Variants in KLHDC8A observed in about 807,000 individuals in gnomAD.
The protein encoded by KLHDC8A is kelch domain-containing protein 8A.
Under a neutral mutation model 33.1 loss-of-function variants are expected in KLHDC8A, and 21 were observed. The ratio of observed to expected loss-of-function variants is 0.64; its 90% CI spans 0.45 to 0.91. The LOEUF (loss-of-function observed/expected upper bound fraction) is 0.91, where lower values mean the gene tolerates loss of function less well. KLHDC8A is among the 40% of genes least tolerant of loss of function. The pLI is 0.00. For synonymous variants in KLHDC8A, 173 were observed against 193.5 expected (o/e 0.89, Z 0.88); for missense variants, 435 against 483.3 (o/e 0.90, Z 0.94).
chr1:205,356,469 C>A, intron 1 of KLHDC8A, 64 bp downstream of exon 1: 1 of 451,606 alleles, frequency 2.2e-6, no homozygotes, highest in South Asian at 1.6e-5. Flanking sequence ...GCCTGTCTCC[C>A]CACCAGCAGG....
intron 1 of KLHDC8A, among the ~76,000 whole-genome samples, chr1:205,352,705 T>C (rs7530732): frequency 0.35 from 53,281 of 152,122 alleles, 9,622 homozygotes; most frequent in South Asian, 0.48. Context: ...AGGATCTGCC[T>C]GTCCTCATCA....
rs2102280238 is a variant in KLHDC8A at position 205,339,768 on chromosome 1, T to C, written c.417A>G (p.Leu139=). The change falls in exon 3 of 6, where the codon CTA becomes CTG. Residue 139 remains leucine (L), a synonymous_variant. Coordinates refer to ENST00000367155, the MANE Select transcript of KLHDC8A (RefSeq NM_018203.3). This position sits in a 1 kb window ranked among gnomAD's most constrained non-coding sequence, Gnocchi z 5.1. ...VYAAGGMGLD[L]RPHNHLQHYD... ...AGTGTTGGAGGTGGTTGTGTGGACG[T>C]AGGTCCAGGCCCATCCCGCCTGCCG... 6.2e-7 allele frequency: 1 copy of C among 1,613,604 alleles called. No homozygotes were observed. The highest frequency in any genetic ancestry group is 2.2e-5 in the East Asian group (1 of 44,864).
intron 1 of KLHDC8A, 70 bp downstream of exon 1, chr1:205,356,463 G>A (rs111493259): frequency 3.1e-5 from 14 of 450,096 alleles, no homozygotes; most frequent in African/African-American, 2.8e-4. Flanking sequence ...ACCACTGCCT[G>A]TCTCCCCACC....
At chr1:205,352,413 CAGAG>C (rs1663140174) in intron 1 of KLHDC8A, among the ~76,000 whole-genome samples, 1 of 152,072 alleles carries the variant, frequency 6.6e-6, no homozygotes, top group Non-Finnish European at 1.5e-5. Context: ...CCCTTGTTCC[CAGAG>C]AAAGGACCAG....
At chr1:205,347,526 C>A (rs749470794) in intron 1 of KLHDC8A, among the ~76,000 whole-genome samples, 1 of 152,098 alleles carries the variant, frequency 6.6e-6, no homozygotes, top group Non-Finnish European at 1.5e-5. Flanking sequence ...CGAGACTAGC[C>A]TCAAAAACAT....
chr1:205,354,912 T>C (rs921498424), intron 1 of KLHDC8A, among the ~76,000 whole-genome samples: 1 of 152,214 alleles, frequency 6.6e-6, no homozygotes, highest in Non-Finnish European at 1.5e-5. Context: ...TTTCCCAGGG[T>C]CATGAAGATG....
chr1:205,339,223 C>T lies in KLHDC8A; in HGVS notation c.728G>A (p.Arg243Gln), dbSNP rs147725085. The T allele has an allele frequency of 4.1e-5, 66 of 1,614,138 alleles. 1 individual carries two copies. The highest frequency in any genetic ancestry group is 8.0e-5 in the African/African-American group (6 of 75,036). The change falls in exon 4 of 6, where the codon CGG (arginine) becomes CAG (glutamine). Residue 243 changes from arginine (R) to glutamine (Q), a missense_variant. Coordinates refer to ENST00000367155, the MANE Select transcript of KLHDC8A (RefSeq NM_018203.3). The surrounding 1 kb of genome is among the most constrained non-coding windows in gnomAD (Gnocchi z 5.1). ...GRLYRQPKFL[R>Q]TMDVFDMEQG... ...TTCCATGTCGAACACGTCCATCGTC[C>T]GCAGGAACTTGGGCTGCCGGTAGAG... is the stretch of plus-strand genomic sequence containing the variant.
intron 1 of KLHDC8A, chr1:205,351,337 T>G: frequency 1.1e-6 from 1 of 913,900 alleles, no homozygotes. Flanking sequence ...CCAAGGAATA[T>G]TGCGGGGATT....
chr1:205,338,946 T>TA (rs1210510545), intron 4 of KLHDC8A, among the ~76,000 whole-genome samples: 1 of 152,094 alleles, frequency 6.6e-6, no homozygotes, highest in Non-Finnish European at 1.5e-5. Context: ...GTGAATATTG[T>TA]AAGAAAAGAC....
Position 205,337,089 on chromosome 1 carries a change from G to A in KLHDC8A, c.*310C>T. The A allele has an allele frequency of 2.8e-6, 1 of 355,710 alleles. No homozygotes were observed. Among genetic ancestry groups the A allele is most frequent in the South Asian group, 3.0e-5 (1 of 33,748 alleles). 22.0% of individuals were successfully genotyped at this position (355,710 alleles called of 1,614,324 possible). ...CTGCCTCCTGGAGATGGGGGTGGGG[G>A]GAGGTGGGACTCACAGGAGGGAGAG... On this transcript the variant is annotated 3_prime_UTR_variant, in exon 6 of 6. Coordinates refer to ENST00000367155, the MANE Select transcript of KLHDC8A (RefSeq NM_018203.3).
At chr1:205,348,057 G>T (rs1450566055) in intron 1 of KLHDC8A, among the ~76,000 whole-genome samples, 1 of 152,080 alleles carries the variant, frequency 6.6e-6, no homozygotes, top group Non-Finnish European at 1.5e-5. Context: ...AGTAAGTCTT[G>T]GATTTGTTAA....
chr1:205,347,084 T>C (rs1437935454), intron 1 of KLHDC8A, among the ~76,000 whole-genome samples: 1 of 152,228 alleles, frequency 6.6e-6, no homozygotes, highest in African/African-American at 2.4e-5. Context: ...AAGTCCTGGC[T>C]TCTCTCCATC....
intron 1 of KLHDC8A, among the ~76,000 whole-genome samples, chr1:205,354,057 G>T (rs988176152): frequency 6.6e-6 from 1 of 152,212 alleles, no homozygotes; most frequent in Non-Finnish European, 1.5e-5. Flanking sequence ...AATGGCTGCT[G>T]GTTTGGGCTA....
In KLHDC8A at chr1:205,339,455, G is replaced by A. The variant is rs1662729011; in HGVS notation, c.542-46C>T. On this transcript the variant is annotated intron_variant, in intron 3 of 5. Transcript: ENST00000367155. This position sits in a 1 kb window ranked among gnomAD's most constrained non-coding sequence, Gnocchi z 5.1. ...GAGGTTGGGCAGAAGGGTTGTCCCT[G>A]AGGACAGCGACAGTGAAAAGGGTTT... The A allele has an allele frequency of 7.7e-6, 12 of 1,560,612 alleles. No individual in the cohort carries two copies. The East Asian group carries it at 2.5e-4, about 32-fold the overall frequency.
chr1:205,338,836 C>G (rs1662708004), intron 4 of KLHDC8A, among the ~76,000 whole-genome samples: 1 of 152,098 alleles, frequency 6.6e-6, no homozygotes, highest in Non-Finnish European at 1.5e-5. Context: ...ACCTTGACTT[C>G]TGGTTAGGAG....
At chr1:205,355,917 T>C (rs1663254859) in intron 1 of KLHDC8A, among the ~76,000 whole-genome samples, 1 of 152,200 alleles carries the variant, frequency 6.6e-6, no homozygotes, top group African/African-American at 2.4e-5. Context: ...ATGTACATAG[T>C]AGGTAGTCCA....
intron 1 of KLHDC8A, among the ~76,000 whole-genome samples, chr1:205,350,770 G>C (rs1663075187): frequency 6.6e-6 from 1 of 152,032 alleles, no homozygotes; most frequent in Non-Finnish European, 1.5e-5. Context: ...TGGCAGATGG[G>C]CCAGCCTGCC....
At chr1:205,342,142 A>G (rs557574595) in intron 2 of KLHDC8A, among the ~76,000 whole-genome samples, 4 of 152,240 alleles carry the variant, frequency 2.6e-5, no homozygotes, top group Admixed American at 2.6e-4. Context: ...GTTTTAACTA[A>G]CTCTTTGGGC....
At chr1:205,350,949 T>A (rs1349013822) in intron 1 of KLHDC8A, among the ~76,000 whole-genome samples, 1 of 152,192 alleles carries the variant, frequency 6.6e-6, no homozygotes, top group African/African-American at 2.4e-5. Context: ...TCCAGCCCCA[T>A]GGGGCTCTGC....
Sources: allele counts gnomAD v4.1 joint callset (sites outside exome capture counted in the v4.1 genomes callset), GRCh38; gene constraint gnomAD v4.1.1; non-coding constraint Gnocchi (gnomAD v3.1); transcripts MANE v1.5; gene names NCBI Gene and HGNC (gene_info 2026-07-23, HGNC 2026-07-21).